The following KCNK3 variants were observed in gnomAD, a reference collection of about 807,000 sequenced individuals.
KCNK3 encodes the protein potassium two pore domain channel subfamily K member 3, also known as potassium channel subfamily K member 3.
Under a neutral mutation model 27.3 loss-of-function variants are expected in KCNK3, and 9 were observed. The ratio of observed to expected loss-of-function variants is 0.33; its 90% confidence interval spans 0.20 to 0.57. The LOEUF is 0.57. Among genes scored for constraint, KCNK3 ranks in the 20% least tolerant of loss-of-function variants. KCNK3 has a pLI of 0.87. For missense variants in KCNK3, 391 were observed against 577.7 expected (o/e 0.68, Z 3.31); for synonymous variants, 278 against 273.8 (o/e 1.02, Z -0.15).
At chr2:26,713,409 C>A (rs1472877060) in intron 1 of KCNK3, among the ~76,000 whole-genome samples, 1 of 152,128 alleles carries the variant, frequency 6.6e-6, no homozygotes, top group Non-Finnish European at 1.5e-5. Context: ...CAGGAAACCC[C>A]CAGACTGTAT....
At chr2:26,705,361 G>A (rs981251094) in intron 1 of KCNK3, among the ~76,000 whole-genome samples, 2 of 152,138 alleles carry the variant, frequency 1.3e-5, no homozygotes, top group African/African-American at 2.4e-5. Flanking sequence ...GGCAGAACAC[G>A]GATATGTTAA....
At chr2:26,727,228 AC>A (rs1222097002) in intron 1 of KCNK3, among the ~76,000 whole-genome samples, 1 of 152,132 alleles carries the variant, frequency 6.6e-6, no homozygotes, top group Non-Finnish European at 1.5e-5. Context: ...GAGGACAAGG[AC>A]CACGCCCGCA....
intron 1 of KCNK3, among the ~76,000 whole-genome samples, chr2:26,704,379 A>G (rs963987810): frequency 6.6e-6 from 1 of 151,974 alleles, no homozygotes; most frequent in African/African-American, 2.4e-5. Context: ...ACACCCTCCC[A>G]CAAATCCAAA....
intron 1 of KCNK3, among the ~76,000 whole-genome samples, chr2:26,709,089 G>T (rs922385964): frequency 7.2e-5 from 11 of 152,156 alleles, no homozygotes; most frequent in African/African-American, 2.7e-4. Context: ...GCAACCAGGT[G>T]GAGGATGTGC....
At chr2:26,706,226 T>C (rs1041240199) in intron 1 of KCNK3, among the ~76,000 whole-genome samples, 1 of 152,176 alleles carries the variant, frequency 6.6e-6, no homozygotes, top group Non-Finnish European at 1.5e-5. Flanking sequence ...CCAAAGCTCC[T>C]GGGGTGAGCC....
chr2:26,711,196 C>T (rs758732324), intron 1 of KCNK3, among the ~76,000 whole-genome samples: 1 of 152,198 alleles, frequency 6.6e-6, no homozygotes, highest in Admixed American at 6.5e-5. Context: ...CACATGTTGC[C>T]TAACCTTGAC....
intron 1 of KCNK3, among the ~76,000 whole-genome samples, chr2:26,717,147 T>C (rs990970239): frequency 6.6e-6 from 1 of 152,180 alleles, no homozygotes; most frequent in African/African-American, 2.4e-5. Context: ...GCTAGGATGG[T>C]AGCCAGGCCT....
intron 1 of KCNK3, among the ~76,000 whole-genome samples, chr2:26,699,251 A>AAGAAAGCC (rs201319916): frequency 4.1e-4 from 55 of 134,346 alleles, no homozygotes; most frequent in African/African-American, 1.8e-3. Context: ...GAAAGAAAGA[A>AAGAAAGCC]AGCCAGCCAA....
At chr2:26,726,662 T>A (rs1663425018) in intron 1 of KCNK3, among the ~76,000 whole-genome samples, 1 of 152,070 alleles carries the variant, frequency 6.6e-6, no homozygotes, top group Non-Finnish European at 1.5e-5. Flanking sequence ...TCACTAGGGA[T>A]GAGTTCCCAT....
chr2:26,709,325 AG>A (rs1663055452), intron 1 of KCNK3, among the ~76,000 whole-genome samples: 1 of 152,164 alleles, frequency 6.6e-6, no homozygotes, highest in Admixed American at 6.5e-5. Context: ...TCAGCTGGGA[AG>A]GGGGTAGAGC....
intron 1 of KCNK3, among the ~76,000 whole-genome samples, chr2:26,704,131 C>G (rs909434478): frequency 6.6e-6 from 1 of 152,174 alleles, no homozygotes; most frequent in Non-Finnish European, 1.5e-5. Flanking sequence ...TTCCCGCCCA[C>G]CCTGCTCACC....
rs532728590 is a variant in KCNK3, at chr2:26,693,866, G to A, written c.283+708G>A. 2.0e-5 allele frequency among the ~76,000 whole-genome samples: 3 copies of A among 152,196 alleles called. No homozygotes were observed. In the East Asian group the frequency reaches 5.8e-4, roughly 29 times the overall value. ...AGCCAGGGCAGATCACCATGTAGGA[G>A]GCCACACGTACACCCAGACTGTCAG... On this transcript the variant is annotated intron_variant, in intron 1 of 1. Coordinates refer to ENST00000302909, the MANE Select transcript of KCNK3 (RefSeq NM_002246.3). The surrounding 1 kb of genome is among the most constrained non-coding windows in gnomAD (Gnocchi z 5.5).
At position 26,729,645 on chromosome 2, in the gene KCNK3, A is replaced by G. The variant is rs1014225202; in HGVS notation, c.*1077A>G. On this transcript the variant is annotated 3_prime_UTR_variant, in exon 2 of 2. Coordinates refer to ENST00000302909, the MANE Select transcript of KCNK3 (RefSeq NM_002246.3). ...GAGCCCAGGAATTTGAGACCAGCCT[A>G]GGTGACATAGTGAGACCCCATCTCT... The G allele has an allele frequency of 1.3e-5, 2 of 152,068 alleles. No homozygotes were observed. The highest frequency in any genetic ancestry group is 1.3e-4 in the Admixed American group (2 of 15,246). 9.4% of individuals were successfully genotyped at this position (152,068 alleles called of 1,614,324 possible). A position where few individuals can be genotyped will look rare whatever the true frequency, so the allele number is the denominator to read the frequency against.
At chr2:26,723,368 G>C (rs541674601) in intron 1 of KCNK3, among the ~76,000 whole-genome samples, 5 of 152,344 alleles carry the variant, frequency 3.3e-5, no homozygotes, top group African/African-American at 4.8e-5. Context: ...AGGTGGCCCA[G>C]GGTTTGCCTC....
chr2:26,710,850 T>C (rs1663098581), intron 1 of KCNK3, among the ~76,000 whole-genome samples: 1 of 152,210 alleles, frequency 6.6e-6, no homozygotes, highest in African/African-American at 2.4e-5. Context: ...CCCGAAAGCC[T>C]GACAGGGGGC....
chr2:26,716,457 G>C (rs1208037344), intron 1 of KCNK3, among the ~76,000 whole-genome samples: 1 of 152,118 alleles, frequency 6.6e-6, no homozygotes, highest in East Asian at 1.9e-4. Flanking sequence ...AGGATGATGA[G>C]TAATGAACAA....
Position 26,728,661 on chromosome 2 carries a change from G to T in KCNK3, c.*93G>T. ...GCCCCTGCTGCCTTCTGCCCAGTGG[G>T]ACCCCGCACAACATCCCTCACCACT... is the stretch of plus-strand genomic sequence containing the variant. On this transcript the variant is annotated 3_prime_UTR_variant, in exon 2 of 2. Transcript: ENST00000302909. 1 of 1,099,898 alleles carries T rather than the reference G, an allele frequency of 9.1e-7. No individual in the cohort carries two copies. 68.1% of individuals were successfully genotyped at this position (1,099,898 alleles called of 1,614,324 possible). A position where few individuals can be genotyped will look rare whatever the true frequency, so the allele number is the denominator to read the frequency against.
intron 1 of KCNK3, among the ~76,000 whole-genome samples, chr2:26,707,034 C>T (rs1033300695): frequency 6.6e-6 from 1 of 152,176 alleles, no homozygotes; most frequent in African/African-American, 2.4e-5. Context: ...CGCTTTTGTC[C>T]CCGCTTCACC....
chr2:26,728,196 C>G lies in KCNK3; in HGVS notation c.813C>G (p.Gly271=). The G allele has an allele frequency of 6.4e-7, 1 of 1,563,850 alleles. No homozygotes were observed. The highest frequency in any genetic ancestry group is 1.2e-5 in the South Asian group (1 of 86,418). The change falls in exon 2 of 2, where the codon GGC becomes GGG. Residue 271 remains glycine (G), a synonymous_variant. Coordinates refer to ENST00000302909, the MANE Select transcript of KCNK3 (RefSeq NM_002246.3). The part of the protein sequence containing the change: ...RALLTRNGQA[G]GGGGGGSAHT... ...TGCTCACGCGCAACGGGCAGGCGGG[C>G]GGCGGCGGAGGGGGTGGCAGCGCGC...
Sources: gnomAD v4.1 joint callset for allele counts (sites outside exome capture counted in the v4.1 genomes callset) on GRCh38, gnomAD v4.1.1 for gene constraint, Gnocchi (gnomAD v3.1) non-coding constraint, MANE v1.5 for transcripts, NCBI Gene and HGNC (gene_info 2026-07-23, HGNC 2026-07-21) for gene names.